KCP: variants seen among roughly 807,000 people sequenced by gnomAD.
KCP encodes the protein kielin cysteine rich BMP regulator.
KCP carries 194 observed loss-of-function variants against 212.7 expected under a neutral mutation model. The observed-to-expected ratio is 0.91, with a 90% CI of 0.81 to 1.03. KCP has a LOEUF of 1.03. KCP is among the 50% of genes least tolerant of loss of function. The probability of loss-of-function intolerance (pLI) is 0.00; values close to 1 mark genes in which losing one functional copy is unlikely to be tolerated. For missense variants in KCP, 2,080 were observed against 2,162.5 expected, an observed-to-expected ratio of 0.96 and a Z score of 0.76; for synonymous variants, 833 against 865.3, an observed-to-expected ratio of 0.96 and a Z score of 0.65.
At chr7:128,895,232 GCT>G (rs1388529830) in intron 8 of KCP, among the ~76,000 whole-genome samples, 1 of 152,162 alleles carries the variant, frequency 6.6e-6, no homozygotes, top group Admixed American at 6.5e-5. Context: ...TGTCACTTAA[GCT>G]CTCTGTGACT....
At chr7:128,892,460 G>T in intron 16 of KCP, 54 bp downstream of exon 16, 2 of 1,329,348 alleles carry the variant, frequency 1.5e-6, no homozygotes, top group Non-Finnish European at 1.0e-6. Context: ...TGGGGCTGTG[G>T]GACAGCAGCC....
chr7:128,898,884 T>A (rs1419584757), intron 8 of KCP, among the ~76,000 whole-genome samples: 1 of 152,260 alleles, frequency 6.6e-6, no homozygotes, highest in Admixed American at 6.5e-5. Context: ...CAGGTTTTTC[T>A]TAAAGCAAAA....
intron 8 of KCP, among the ~76,000 whole-genome samples, chr7:128,897,742 T>C (rs1423251077): frequency 6.6e-6 from 1 of 152,228 alleles, no homozygotes; most frequent in African/African-American, 2.4e-5. Context: ...CCAATTTATT[T>C]TGGAGCTTTA....
intron 21 of KCP, 133 bp from the exon 22 acceptor site, chr7:128,889,172 A>T: frequency 3.2e-6 from 1 of 315,078 alleles, no homozygotes; most frequent in Non-Finnish European, 4.8e-6. Context: ...GGGGGGTCAC[A>T]GGCCAAGCCC....
At chr7:128,887,037 C>T in intron 23 of KCP, 71 bp from the exon 24 acceptor site, 2 of 1,028,048 alleles carry the variant, frequency 1.9e-6, no homozygotes, top group South Asian at 1.4e-5. Context: ...CCCTACTGAG[C>T]CTGCAGGGGC....
At chr7:128,890,611 G>C in intron 20 of KCP, 98 bp from the exon 21 acceptor site, 1 of 988,314 alleles carries the variant, frequency 1.0e-6, no homozygotes, top group South Asian at 1.6e-5. Flanking sequence ...GGGTGTCGTG[G>C]GGGCCGTGGG....
At chr7:128,906,976 G>A (rs186330199) in intron 4 of KCP, 125 bp downstream of exon 4, 24 of 910,124 alleles carry the variant, frequency 2.6e-5, no homozygotes, top group Middle Eastern at 3.5e-4. Context: ...GAAAGCCACC[G>A]TGGCAAGGTG....
chr7:128,889,029 G>A lies in KCP; in HGVS notation c.2346C>T (p.Tyr782=). 6.6e-7 allele frequency: 1 copy of A among 1,509,352 alleles called. No homozygotes were observed. Among genetic ancestry groups the A allele is most frequent in the Non-Finnish European group, 8.9e-7 (1 of 1,125,046 alleles). The allele number at this position is 1,509,352 out of a possible 1,614,324, so 93.5% of individuals were successfully genotyped here. Residue 782 remains tyrosine (Y), a synonymous_variant, in exon 22 of 40, where the codon TAC becomes TAT. Coordinates refer to ENST00000610776, the MANE Select transcript of KCP (RefSeq NM_001366122.1). ...GGTTACTCAGGTAGGACTCCCCCAG[G>A]TACTCACAGCCTTTCAGAGAAGAGA... is the stretch of plus-strand genomic sequence containing the variant. ...DCCPDCDGCE[Y]LGESYLSNQE...
In KCP at chr7:128,893,316, C is replaced by CA; in HGVS notation, c.1188dup (p.Gly397TrpfsTer6). The stretch of plus-strand genomic sequence containing the variant: ...TCCTGCTCCTCACAGGAGACCTCGC[C>CA]AGCCTAGGAGGGAAGCAGGTGAGAC... On this transcript the variant is annotated frameshift_variant, in exon 13 of 40. Coordinates refer to ENST00000610776, the MANE Select transcript of KCP (RefSeq NM_001366122.1). LOFTEE classifies it high-confidence loss of function. 1 of 1,551,560 alleles carries CA rather than the reference C, an allele frequency of 6.4e-7. No individual in the cohort carries two copies. The highest frequency in any genetic ancestry group is 8.7e-7 in the Non-Finnish European group (1 of 1,146,908).
Position 128,876,914 on chromosome 7 carries a change from T to C in KCP, c.*129A>G. 1 of 1,153,970 alleles carries C rather than the reference T, an allele frequency of 8.7e-7. No homozygotes were observed. Among genetic ancestry groups the C allele is most frequent in the South Asian group, 1.7e-5 (1 of 60,178 alleles). 71.5% of individuals were successfully genotyped at this position (1,153,970 alleles called of 1,614,324 possible). A position where few individuals can be genotyped will look rare whatever the true frequency, so the allele number is the denominator to read the frequency against. ...CTGGTGACTCAACATGGCGGGGGTC[T>C]TTGCAGGGCAGGGGCCCAGGCTCCA... On this transcript the variant is annotated 3_prime_UTR_variant, in exon 40 of 40. Transcript: ENST00000610776.
chr7:128,907,012 T>G lies in KCP; in HGVS notation c.486+89A>C, dbSNP rs561305234. Reference sequence around the variant, plus strand: ...TGGGAGTGGCAGGCAGAGCCCATTATGCGACATCTTGAGTGCCACGCTGCA... The same window carrying G: ...TGGGAGTGGCAGGCAGAGCCCATTAGGCGACATCTTGAGTGCCACGCTGCA... On this transcript the variant is annotated intron_variant, in intron 4 of 39. Transcript: ENST00000610776. 5.6e-6 allele frequency: 7 copies of G among 1,259,442 alleles called. No homozygotes were observed. In the African/African-American group the frequency reaches 9.0e-5, roughly 16 times the overall value. 78.0% of individuals were successfully genotyped at this position (1,259,442 alleles called of 1,614,324 possible).
At chr7:128,899,314 T>C (rs550861369) in intron 8 of KCP, among the ~76,000 whole-genome samples, 1 of 152,360 alleles carries the variant, frequency 6.6e-6, no homozygotes, top group African/African-American at 2.4e-5. Flanking sequence ...CTTTTTGCCA[T>C]CCATAAACAA....
In KCP at chr7:128,893,276, G is replaced by C. The variant is rs1794293269; in HGVS notation, c.1229C>G (p.Pro410Arg). Residue 410 changes from proline to arginine, a missense_variant, in exon 13 of 40, where the codon CCC becomes CGC. By Grantham distance (103) the Pro-to-Arg change is moderately radical (BLOSUM62 -2). Coordinates refer to ENST00000610776, the MANE Select transcript of KCP (RefSeq NM_001366122.1). ...GCGGCCAGAGGCAGGCAGGGCACAG[G>C]GGGTGACTGGGCACTCCTGCTCCTC... is the stretch of plus-strand genomic sequence containing the variant. ...SCEEQECPVT[P>R]CALPASGRQL... 3 of 1,551,446 alleles carry C rather than the reference G, an allele frequency of 1.9e-6. No homozygotes were observed. The highest frequency in any genetic ancestry group is 2.6e-6 in the Non-Finnish European group (3 of 1,146,912).
Position 128,893,374 on chromosome 7 carries a change from G to A in KCP, c.1185+17C>T, listed in dbSNP as rs567720663. 721 of 1,551,618 alleles carry A rather than the reference G, an allele frequency of 4.6e-4. 4 individuals are homozygous for A. The Admixed American group carries it at 0.013, about 28-fold the overall frequency. On this transcript the variant is annotated intron_variant, in intron 12 of 39. Coordinates refer to ENST00000610776, the MANE Select transcript of KCP (RefSeq NM_001366122.1). The stretch of plus-strand genomic sequence containing the variant: ...AGGAATGAGGCAGATCTGGGTGTGA[G>A]CGGAGGGACCGCCTACCTGGCAGGA...
At position 128,890,327 on chromosome 7, in the gene KCP, A is replaced by G. The variant is rs1420943081; in HGVS notation, c.2335+16T>C. On this transcript the variant is annotated intron_variant, in intron 21 of 39. Coordinates refer to ENST00000610776, the MANE Select transcript of KCP (RefSeq NM_001366122.1). ...CCGCATCCCACCCCGGCAGCTCCCT[A>G]TCCCATGACCCTCACCATCACAGTC... 1 of 1,551,486 alleles carries G rather than the reference A, an allele frequency of 6.4e-7. No individual in the cohort carries two copies. Among genetic ancestry groups the G allele is most frequent in the Admixed American group, 2.0e-5 (1 of 50,994 alleles).
Position 128,878,516 on chromosome 7 carries a change from G to A in KCP, c.4311+42C>T, listed in dbSNP as rs1395415693. On this transcript the variant is annotated intron_variant, in intron 38 of 39. Coordinates refer to ENST00000610776, the MANE Select transcript of KCP (RefSeq NM_001366122.1). ...GTTGCTCTGAGACTCATGCTCAGCT[G>A]CGTCTCCCCTAATCCCCATCCCCGG... 2.0e-6 allele frequency: 3 copies of A among 1,524,856 alleles called. No individual in the cohort carries two copies. In the African/African-American group the frequency reaches 4.1e-5, roughly 21 times the overall value. 94.5% of individuals were successfully genotyped at this position (1,524,856 alleles called of 1,614,324 possible).
rs1421052845 is a variant in KCP, at chr7:128,886,668, C to T, written c.2759G>A (p.Trp920Ter). The T allele has an allele frequency of 1.3e-6, 2 of 1,551,586 alleles. No homozygotes were observed. Among genetic ancestry groups the T allele is most frequent in the Non-Finnish European group, 1.7e-6 (2 of 1,146,936 alleles). The change falls in exon 25 of 40, where the codon TGG becomes TAG. Residue 920 changes from tryptophan (W) to a stop codon, truncating the protein, a stop_gained. Transcript: ENST00000610776. LOFTEE classifies it high-confidence loss of function. ...CTCCTGCTATACCTGACAGCGACAC[C>T]ACTCACAGCTGCCTGCTGGTCCCTC... is the stretch of plus-strand genomic sequence containing the variant. Reference protein sequence around the residue: ...EFEGPAGSCEWCRCQAGQVSC... With the variant: ...EFEGPAGSCE
chr7:128,895,783 G>A (rs565735037), intron 8 of KCP, among the ~76,000 whole-genome samples: 82 of 152,176 alleles, frequency 5.4e-4, no homozygotes, highest in Non-Finnish European at 5.0e-4. Flanking sequence ...GTTTACAAAT[G>A]CCATGGCAAT....
At chr7:128,907,211 T>G in intron 3 of KCP, 34 bp from the exon 4 acceptor site, 1 of 1,546,038 alleles carries the variant, frequency 6.5e-7, no homozygotes, top group East Asian at 2.5e-5. Context: ...AAGCACCCCA[T>G]GCCATCTGCA....
Sources: gnomAD v4.1 joint callset for allele counts (sites outside exome capture counted in the v4.1 genomes callset) on GRCh38, gnomAD v4.1.1 for gene constraint, MANE v1.5 for transcripts, NCBI Gene and HGNC (gene_info 2026-07-23, HGNC 2026-07-21) for gene names.